INTS9: variants seen among roughly 807,000 people sequenced by gnomAD.
INTS9 encodes the protein integrator complex subunit 9, also known as protein related to CPSF subunits of 74 kDa.
INTS9 carries 55 observed loss-of-function variants against 79.7 expected under a neutral mutation model. The ratio of observed to expected loss-of-function variants is 0.69; its 90% CI spans 0.56 to 0.86. INTS9 has a LOEUF of 0.86. INTS9 is among the 40% of genes least tolerant of loss of function. The pLI is 0.00. For missense variants in INTS9, 721 were observed against 831.5 expected (o/e 0.87, Z 1.64); for synonymous variants, 319 against 325.2 (o/e 0.98, Z 0.20).
rs780259204 is a variant in INTS9, at chr8:28,859,498, C to A, written c.75G>T (p.Met25Ile). 11 of 1,614,026 alleles carry A rather than the reference C, an allele frequency of 6.8e-6. No individual in the cohort carries two copies. In the East Asian group the frequency reaches 2.0e-4, roughly 29 times the overall value. ...AAGTCATGTCCAGTCCGCAGTCCAA[C>A]ATAATGGTGGTTGATTTGAATTTGA... ...NVLKFKSTTI[M>I]LDCGLDMTST... The change falls in exon 2 of 17, where the codon ATG becomes ATT. Residue 25 changes from methionine (M) to isoleucine (I), a missense_variant. Around this residue, in one of 3 missense-constraint regions of INTS9, gnomAD observed 291 missense variants for 307.0 expected, o/e 0.95. Coordinates refer to ENST00000521022, the MANE Select transcript of INTS9 (RefSeq NM_018250.4).
intron 4 of INTS9, among the ~76,000 whole-genome samples, chr8:28,838,282 G>A (rs1204689606): frequency 6.6e-6 from 1 of 151,696 alleles, no homozygotes; most frequent in Non-Finnish European, 1.5e-5. Context: ...TGTTAGTTTA[G>A]TGCTGGTTAT....
At chr8:28,779,320 C>A (rs571158330) in intron 12 of INTS9, among the ~76,000 whole-genome samples, 1 of 152,148 alleles carries the variant, frequency 6.6e-6, no homozygotes, top group Non-Finnish European at 1.5e-5. Flanking sequence ...TCCTGGTGAC[C>A]GGGGCCTCTC....
chr8:28,849,401 CAAAGAG>C (rs1239373854), intron 3 of INTS9, among the ~76,000 whole-genome samples: 5 of 151,540 alleles, frequency 3.3e-5, no homozygotes, highest in African/African-American at 1.2e-4. Flanking sequence ...TTAATAGCCT[CAAAGAG>C]AAAGAAGTAA....
chr8:28,787,923 G>C, intron 10 of INTS9, 34 bp from the exon 11 acceptor site: 1 of 1,518,824 alleles, frequency 6.6e-7, no homozygotes, highest in East Asian at 2.3e-5. Flanking sequence ...AGCATGTGAG[G>C]AAGAGCATAC....
chr8:28,769,244 T>G (rs1358439548), intron 16 of INTS9, among the ~76,000 whole-genome samples: 1 of 152,254 alleles, frequency 6.6e-6, no homozygotes, highest in Non-Finnish European at 1.5e-5. Context: ...TTGTAATGAT[T>G]GTAATTTGTT....
At chr8:28,837,391 C>T (rs1373529177) in intron 5 of INTS9, among the ~76,000 whole-genome samples, 5 of 152,124 alleles carry the variant, frequency 3.3e-5, no homozygotes, top group Admixed American at 1.3e-4. Context: ...ACAGAGGAGC[C>T]GTCTCCATGA....
intron 13 of INTS9, chr8:28,776,258 A>C (rs965837390): frequency 9.8e-6 from 2 of 204,878 alleles, no homozygotes; most frequent in African/African-American, 2.3e-5. Flanking sequence ...ACATTCCCAC[A>C]TGCCTGCTAT....
intron 9 of INTS9, among the ~76,000 whole-genome samples, chr8:28,794,578 C>G (rs1209460507): frequency 6.6e-6 from 1 of 152,130 alleles, no homozygotes; most frequent in Non-Finnish European, 1.5e-5. Context: ...AGCTCAAGAG[C>G]CTGTCTCAAA....
At chr8:28,854,113 G>A (rs933110985) in intron 2 of INTS9, among the ~76,000 whole-genome samples, 2 of 151,602 alleles carry the variant, frequency 1.3e-5, no homozygotes, top group African/African-American at 2.4e-5. Context: ...CCACAGACTC[G>A]AACTCCTGGG....
At chr8:28,861,957 T>C in intron 1 of INTS9, 1 of 411,358 alleles carries the variant, frequency 2.4e-6, no homozygotes, top group South Asian at 1.0e-4. Flanking sequence ...TTCAGAAGCT[T>C]TTCTGGGAAG....
chr8:28,805,017 A>G (rs1228448209), intron 8 of INTS9, among the ~76,000 whole-genome samples: 1 of 152,242 alleles, frequency 6.6e-6, no homozygotes, highest in Non-Finnish European at 1.5e-5. Flanking sequence ...CTATAATACT[A>G]GAAATTCCTT....
At chr8:28,781,528 C>G (rs1236214817) in intron 11 of INTS9, among the ~76,000 whole-genome samples, 4 of 152,122 alleles carry the variant, frequency 2.6e-5, no homozygotes, top group Admixed American at 2.6e-4. Flanking sequence ...ATTGCTAAAA[C>G]GTGGAAACAA....
chr8:28,803,531 A>C (rs1804637189), intron 8 of INTS9, among the ~76,000 whole-genome samples: 1 of 152,196 alleles, frequency 6.6e-6, no homozygotes, highest in Non-Finnish European at 1.5e-5. Flanking sequence ...GTTTGAAATA[A>C]GTTTTTTTAA....
intron 14 of INTS9, among the ~76,000 whole-genome samples, chr8:28,774,616 G>A (rs1802762252): frequency 6.6e-6 from 1 of 152,158 alleles, no homozygotes; most frequent in Non-Finnish European, 1.5e-5. Flanking sequence ...AGCCTCTCCA[G>A]GCTCATGGAA....
intron 2 of INTS9, among the ~76,000 whole-genome samples, chr8:28,858,494 T>C (rs552744022): frequency 6.6e-6 from 1 of 152,358 alleles, no homozygotes; most frequent in South Asian, 2.1e-4. Context: ...GCAATATCTG[T>C]GGGTGGCACA....
chr8:28,829,136 G>T (rs1360048902), intron 6 of INTS9, among the ~76,000 whole-genome samples: 1 of 152,132 alleles, frequency 6.6e-6, no homozygotes, highest in African/African-American at 2.4e-5. Context: ...TATCCTTATT[G>T]TAATTATAGA....
rs73669459 is a variant in INTS9, at chr8:28,862,003, A to G, written c.10-2440T>C. On this transcript the variant is annotated intron_variant, in intron 1 of 16. Transcript: ENST00000521022. ...ACACAGCGAGGTCCCTCTGACTCCA[A>G]AGATCCCACTCATGCTTCCCAAACT... 3,183 of 865,920 alleles carry G rather than the reference A, an allele frequency of 3.7e-3. 62 individuals carry two copies. In the African/African-American group the frequency reaches 0.05, roughly 13 times the overall value. 53.6% of individuals were successfully genotyped at this position (865,920 alleles called of 1,614,324 possible).
chr8:28,829,661 G>A (rs1339085932), intron 6 of INTS9, among the ~76,000 whole-genome samples: 1 of 152,160 alleles, frequency 6.6e-6, no homozygotes, highest in Non-Finnish European at 1.5e-5. Flanking sequence ...CTTTGAGGCT[G>A]CCTATATATA....
At chr8:28,808,600 A>G (rs1290684508) in intron 8 of INTS9, among the ~76,000 whole-genome samples, 3 of 152,134 alleles carry the variant, frequency 2.0e-5, no homozygotes, top group Non-Finnish European at 4.4e-5. Context: ...CATGAAACCT[A>G]CTACCCTCTT....
Sources: gnomAD v4.1 joint callset for allele counts (sites outside exome capture counted in the v4.1 genomes callset) on GRCh38, gnomAD v4.1.1 for gene constraint, gnomAD v4.1.1 regional missense constraint, MANE v1.5 for transcripts, NCBI Gene and HGNC (gene_info 2026-07-23, HGNC 2026-07-21) for gene names.